NARS2: variants seen among roughly 807,000 people sequenced by gnomAD.
The protein encoded by NARS2 is asparaginyl-tRNA synthetase.
In NARS2, 60 loss-of-function variants were observed where a neutral mutation model predicts 62.9. The observed-to-expected ratio is 0.95, with a 90% confidence interval of 0.77 to 1.18. The LOEUF is 1.18. Among genes scored for constraint, NARS2 ranks in the 50% most tolerant of loss-of-function variants. The pLI, the probability that NARS2 is intolerant of heterozygous loss-of-function variation, is 0.00. For missense variants in NARS2, 619 were observed against 576.4 expected (o/e 1.07, Z -0.76); for synonymous variants, 196 against 200.0 (o/e 0.98, Z 0.17).
chr11:78,504,452 T>TC (rs1860411377), intron 6 of NARS2, among the ~76,000 whole-genome samples: 2 of 151,716 alleles, frequency 1.3e-5, no homozygotes, highest in African/African-American at 4.8e-5. Flanking sequence ...TTTTTTTTTT[T>TC]TTTTCTGTGT....
intron 4 of NARS2, among the ~76,000 whole-genome samples, chr11:78,564,383 G>C (rs1856669238): frequency 6.6e-6 from 1 of 151,760 alleles, no homozygotes. Context: ...TAGAGACCAA[G>C]TCTCACTATG....
intron 3 of NARS2, among the ~76,000 whole-genome samples, chr11:78,566,978 T>G (rs971339220): frequency 6.7e-6 from 1 of 148,634 alleles, no homozygotes; most frequent in Non-Finnish European, 1.5e-5. Context: ...TTCTAAGTCT[T>G]GTACAAATAC....
intron 6 of NARS2, among the ~76,000 whole-genome samples, chr11:78,495,510 T>C (rs1365682601): frequency 6.6e-6 from 1 of 152,194 alleles, no homozygotes; most frequent in Non-Finnish European, 1.5e-5. Context: ...ATCTAAGTTA[T>C]TTTTCTCCCC....
chr11:78,470,882 A>ATTT (rs67863152), intron 9 of NARS2, among the ~76,000 whole-genome samples: 13,715 of 134,976 alleles, frequency 0.1, 844 homozygotes, highest in African/African-American at 0.12. Context: ...AGTATTTTGG[A>ATTT]TTTTTTTTTT....
intron 7 of NARS2, among the ~76,000 whole-genome samples, chr11:78,490,602 A>G (rs1859777975): frequency 6.6e-6 from 1 of 152,068 alleles, no homozygotes; most frequent in Non-Finnish European, 1.5e-5. Context: ...GGATGGCTTG[A>G]GCTCAGGAGT....
intron 6 of NARS2, among the ~76,000 whole-genome samples, chr11:78,513,796 C>A (rs191287167): frequency 6.6e-6 from 1 of 152,222 alleles, no homozygotes; most frequent in African/African-American, 2.4e-5. Flanking sequence ...GTCTCTGCCC[C>A]AATCTCATGT....
chr11:78,531,072 T>C (rs928415758), intron 5 of NARS2, among the ~76,000 whole-genome samples: 1 of 152,080 alleles, frequency 6.6e-6, no homozygotes, highest in Non-Finnish European at 1.5e-5. Flanking sequence ...CAAAAAGTGA[T>C]ATCAGCAAAT....
chr11:78,468,937 A>G (rs746198454), intron 10 of NARS2, among the ~76,000 whole-genome samples: 23 of 151,986 alleles, frequency 1.5e-4, no homozygotes, highest in Non-Finnish European at 3.1e-4. Flanking sequence ...TGGTCTCTAC[A>G]GTAATAGTCT....
rs185717377 is a variant in NARS2, at chr11:78,535,508, A to T, written c.595-6572T>A. ...TTTATCTCATTGTCTCACACTTCTT[A>T]TTTATTTTTGTCATTATTGTGTTTT... On this transcript the variant is annotated intron_variant, in intron 5 of 13. Coordinates refer to ENST00000281038, the MANE Select transcript of NARS2 (RefSeq NM_024678.6). Among the ~76,000 whole-genome samples, 266 of 152,026 alleles carry T rather than the reference A, an allele frequency of 1.7e-3. 3 individuals carry two copies. Among genetic ancestry groups the T allele is most frequent in the African/African-American group, 6.2e-3 (257 of 41,414 alleles).
chr11:78,540,531 C>G (rs1002028004), intron 5 of NARS2, among the ~76,000 whole-genome samples: 4 of 152,212 alleles, frequency 2.6e-5, no homozygotes, highest in African/African-American at 9.6e-5. Context: ...CTATTTTTAT[C>G]TCCTTTTACT....
intron 6 of NARS2, among the ~76,000 whole-genome samples, chr11:78,493,748 C>G (rs1859933198): frequency 6.6e-6 from 1 of 151,806 alleles, no homozygotes; most frequent in East Asian, 1.9e-4. Context: ...AACTGCTTCA[C>G]AAATCCTATG....
chr11:78,549,920 AC>A (rs1339142399), intron 5 of NARS2, among the ~76,000 whole-genome samples: 1 of 152,206 alleles, frequency 6.6e-6, no homozygotes, highest in African/African-American at 2.4e-5. Context: ...AGGCCCAACA[AC>A]AAAAAGACAA....
intron 1 of NARS2, chr11:78,573,393 G>C (rs760598846): frequency 6.6e-6 from 1 of 152,170 alleles, no homozygotes; most frequent in Non-Finnish European, 1.5e-5. Flanking sequence ...AAAAATTATA[G>C]AGTGTGGTGG....
Position 78,574,471 on chromosome 11 carries a change from G to A in NARS2, c.18C>T (p.Cys6=), listed in dbSNP as rs756049889. 2.5e-6 allele frequency: 4 copies of A among 1,612,734 alleles called. No homozygotes were observed. Among genetic ancestry groups the A allele is most frequent in the Non-Finnish European group, 2.5e-6 (3 of 1,179,588 alleles). Residue 6 remains cysteine (C), a synonymous_variant, in exon 1 of 14, where the codon TGC becomes TGT. Transcript: ENST00000281038. ...AACAGAAGCGCACGGACCGCAGCAG[G>A]CAGCGGACCCCCAGCATCCCGCGTC... The part of the protein sequence containing the change: MLGVR[C]LLRSVRFCSS...
chr11:78,442,665 G>A (rs541724008), intron 12 of NARS2, among the ~76,000 whole-genome samples: 3 of 151,034 alleles, frequency 2.0e-5, no homozygotes, highest in Non-Finnish European at 4.4e-5. Flanking sequence ...ACTAAAGTAG[G>A]AATCATGGAA....
intron 13 of NARS2, among the ~76,000 whole-genome samples, chr11:78,437,266 G>C (rs1857437465): frequency 6.6e-6 from 1 of 152,100 alleles, no homozygotes; most frequent in African/African-American, 2.4e-5. Context: ...ATTATGAAAA[G>C]ATATCCTATA....
rs540564460 is a variant in NARS2, at chr11:78,464,434, A to G, written c.1164+1442T>C. On this transcript the variant is annotated intron_variant, in intron 11 of 13. Transcript: ENST00000281038. Reference sequence around the variant, plus strand: ...CCCCACCCACATCCTGCTGATTGGTAGAGCAGAGTGGTCTGTTTTGACAGG... The same window carrying G: ...CCCCACCCACATCCTGCTGATTGGTGGAGCAGAGTGGTCTGTTTTGACAGG... Among the ~76,000 whole-genome samples, 13 of 152,282 alleles carry G rather than the reference A, an allele frequency of 8.5e-5. No homozygotes were observed. The South Asian group carries it at 2.7e-3, about 32-fold the overall frequency.
chr11:78,536,682 G>C (rs1454395783), intron 5 of NARS2, among the ~76,000 whole-genome samples: 1 of 152,012 alleles, frequency 6.6e-6, no homozygotes, highest in Non-Finnish European at 1.5e-5. Flanking sequence ...AAAAAAGTTA[G>C]AGTACGCTAA....
intron 6 of NARS2, among the ~76,000 whole-genome samples, chr11:78,505,494 T>C (rs945385127): frequency 6.6e-6 from 1 of 151,848 alleles, no homozygotes; most frequent in African/African-American, 2.4e-5. Context: ...AACTAGAATA[T>C]ACTGGTGAAC....
Sources: allele counts gnomAD v4.1 joint callset (sites outside exome capture counted in the v4.1 genomes callset), GRCh38; gene constraint gnomAD v4.1.1; transcripts MANE v1.5; gene names NCBI Gene and HGNC (gene_info 2026-07-23, HGNC 2026-07-21).